Variants in IL1RAPL1 observed in about 807,000 individuals in gnomAD.
IL1RAPL1 encodes the protein interleukin 1 receptor accessory protein like 1, also known as interleukin-1 receptor accessory protein-like 1.
A neutral mutation model predicts 48.4 loss-of-function variants in IL1RAPL1; 3 were observed. The observed-to-expected ratio is 0.06, with a 90% CI of 0.03 to 0.16. The LOEUF (loss-of-function observed/expected upper bound fraction) is 0.16, where lower values mean the gene tolerates loss of function less well. Ranked by LOEUF, IL1RAPL1 falls within the 10% of genes least tolerant of loss-of-function variation. The pLI, the probability that IL1RAPL1 is intolerant of heterozygous loss-of-function variation, is 1.00. For synonymous variants in IL1RAPL1, 185 were observed against 187.7 expected (o/e 0.99, Z 0.12); for missense variants, 349 against 530.6 (o/e 0.66, Z 3.36).
At chrX:29,366,867 T>A (rs1933468446) in intron 3 of IL1RAPL1, among the ~76,000 whole-genome samples, 1 of 111,242 alleles carries the variant, frequency 9.0e-6, no homozygotes, top group South Asian at 3.7e-4. Flanking sequence ...GCGCCCGGCC[T>A]GATAGGTCAT....
At chrX:29,127,148 TCTC>T (rs949727287) in intron 2 of IL1RAPL1, among the ~76,000 whole-genome samples, 31 of 110,880 alleles carry the variant, frequency 2.8e-4, no homozygotes, top group Admixed American at 7.8e-4. Context: ...GTGGTTTTGT[TCTC>T]CTCCTGTTTC....
chrX:29,741,937 A>G (rs1423165223), intron 6 of IL1RAPL1, among the ~76,000 whole-genome samples: 4 of 98,125 alleles, frequency 4.1e-5, no homozygotes, highest in Admixed American at 2.2e-4. Flanking sequence ...AAAAAAAAGA[A>G]AAAAAAAAAA....
At chrX:29,632,684 C>T (rs915156433) in intron 5 of IL1RAPL1, among the ~76,000 whole-genome samples, 2 of 111,771 alleles carry the variant, frequency 1.8e-5, no homozygotes, top group Non-Finnish European at 3.8e-5. Context: ...AGGAACCTCA[C>T]GGTCAGTCAC....
chrX:29,724,894 T>C (rs1927736562), intron 6 of IL1RAPL1, among the ~76,000 whole-genome samples: 1 of 111,949 alleles, frequency 8.9e-6, no homozygotes, highest in African/African-American at 3.2e-5. Flanking sequence ...TCTCCAATTG[T>C]TTTAAAGTAT....
intron 2 of IL1RAPL1, among the ~76,000 whole-genome samples, chrX:28,918,577 A>T (rs985638320): frequency 8.9e-6 from 1 of 112,243 alleles, no homozygotes; most frequent in Non-Finnish European, 1.9e-5. Flanking sequence ...CCCTTTGCCA[A>T]TTGCAGTTCA....
At chrX:28,588,602 C>T (rs1008012754) in intron 1 of IL1RAPL1, among the ~76,000 whole-genome samples, 2 of 112,324 alleles carry the variant, frequency 1.8e-5, no homozygotes, top group Non-Finnish European at 3.8e-5. Context: ...TGATAATCAT[C>T]GTTAATTGTT....
At chrX:29,177,993 T>C (rs1930062033) in intron 2 of IL1RAPL1, among the ~76,000 whole-genome samples, 2 of 112,097 alleles carry the variant, frequency 1.8e-5, no homozygotes, top group Admixed American at 9.5e-5. Context: ...CAGTCTATCA[T>C]TGATGGACAT....
At chrX:29,449,780 C>CAGAG (rs59465141) in intron 5 of IL1RAPL1, among the ~76,000 whole-genome samples, 11 of 58,275 alleles carry the variant, frequency 1.9e-4, no homozygotes, top group African/African-American at 8.2e-4. Context: ...CACACACACA[C>CAGAG]AGAGAGAGAG....
intron 1 of IL1RAPL1, among the ~76,000 whole-genome samples, chrX:28,665,082 G>A (rs915137523): frequency 8.1e-5 from 9 of 111,588 alleles, no homozygotes; most frequent in Non-Finnish European, 1.7e-4. Context: ...TTAAAACCAT[G>A]TGTGTACTCC....
chrX:28,588,206 A>ATGTGTG (rs768348078), intron 1 of IL1RAPL1, among the ~76,000 whole-genome samples, 159 bp downstream of exon 1: 77 of 49,958 alleles, frequency 1.5e-3, no homozygotes, highest in Non-Finnish European at 2.5e-3. Flanking sequence ...GTGTGTTGAT[A>ATGTGTG]TGTGTGTGTG....
chrX:29,388,106 CAAAAAAAAAAAA>C (rs71862742), intron 3 of IL1RAPL1, among the ~76,000 whole-genome samples: 1,376 of 51,729 alleles, frequency 0.027, 29 homozygotes, highest in African/African-American at 0.094. Context: ...AAGGTTAAGC[CAAAAAAAAAAAA>C]AAAAAAAAAA....
chrX:29,883,032 T>C (rs1335809003), intron 6 of IL1RAPL1, among the ~76,000 whole-genome samples: 4 of 111,383 alleles, frequency 3.6e-5, no homozygotes, highest in Non-Finnish European at 7.5e-5. Context: ...GAAACAAAAG[T>C]GACTTAATGA....
intron 5 of IL1RAPL1, among the ~76,000 whole-genome samples, chrX:29,448,319 A>G (rs1427908206): frequency 8.9e-6 from 1 of 111,862 alleles, no homozygotes; most frequent in Non-Finnish European, 1.9e-5. Context: ...TCTGAAGGCA[A>G]AATTATTCCC....
intron 8 of IL1RAPL1, among the ~76,000 whole-genome samples, chrX:29,926,641 A>G (rs1326227277): frequency 8.9e-6 from 1 of 111,925 alleles, no homozygotes; most frequent in Non-Finnish European, 1.9e-5. Context: ...GGATTTCTCA[A>G]TCTTGTCACT....
At chrX:29,168,881 A>ATATGTATATTCATATGTACAATTG (rs1929854122) in intron 2 of IL1RAPL1, among the ~76,000 whole-genome samples, 5 of 82,428 alleles carry the variant, frequency 6.1e-5, no homozygotes, top group East Asian at 3.5e-4. Context: ...GTACAATTGT[A>ATATGTATATTCATATGTACAATTG]TATATATATT....
At chrX:28,599,304 G>T (rs973987764) in intron 1 of IL1RAPL1, among the ~76,000 whole-genome samples, 6 of 109,731 alleles carry the variant, frequency 5.5e-5, no homozygotes, top group Non-Finnish European at 1.1e-4. Flanking sequence ...TGTTCCTTGG[G>T]AGGGCTTCAG....
chrX:29,428,603 T>C (rs758815353), intron 5 of IL1RAPL1, among the ~76,000 whole-genome samples: 20 of 111,438 alleles, frequency 1.8e-4, no homozygotes, highest in Non-Finnish European at 1.1e-4. Context: ...TAAGACTATG[T>C]AAAGACTATA....
At chrX:29,796,636 C>G (rs1469459646) in intron 6 of IL1RAPL1, among the ~76,000 whole-genome samples, 1 of 112,261 alleles carries the variant, frequency 8.9e-6, no homozygotes, top group East Asian at 2.8e-4. Flanking sequence ...TATTTTAGGC[C>G]TCCTTTCTTT....
rs147487098 is a variant in IL1RAPL1 at position 29,925,746 on chromosome X, C to A, written c.1057+5652C>A. Among the ~76,000 whole-genome samples the A allele has an allele frequency of 3.5e-3, 383 of 109,592 alleles. 1 individual carries two copies. Among genetic ancestry groups the A allele is most frequent in the Non-Finnish European group, 5.7e-3 (298 of 52,611 alleles). The stretch of plus-strand genomic sequence containing the variant: ...GTAGAGACAGGGTCTCCCTATGTTT[C>A]CCAGGCTGGTCTTGAACTCCTCGGC... On this transcript the variant is annotated intron_variant, in intron 8 of 10. Transcript: ENST00000378993.
Sources: allele counts gnomAD v4.1 joint callset (sites outside exome capture counted in the v4.1 genomes callset), GRCh38; gene constraint gnomAD v4.1.1; transcripts MANE v1.5; gene names NCBI Gene and HGNC (gene_info 2026-07-23, HGNC 2026-07-21).